The following THUMPD3 variants were observed in gnomAD, a reference collection of about 807,000 sequenced individuals.
THUMPD3 encodes THUMP domain 3 tRNA guanosine methyltransferase, also known as tRNA (guanine(6)-N(2))-methyltransferase THUMP3.
In THUMPD3, 44 loss-of-function variants were observed where a neutral mutation model predicts 54.5. The observed-to-expected ratio is 0.81, with a 90% CI of 0.63 to 1.04. The LOEUF (loss-of-function observed/expected upper bound fraction) is 1.04, where lower values mean the gene tolerates loss of function less well. Ranked by LOEUF, THUMPD3 falls within the 50% of genes least tolerant of loss-of-function variation. The probability of loss-of-function intolerance (pLI) is 0.00; values close to 1 mark genes in which losing one functional copy is unlikely to be tolerated. For missense variants in THUMPD3, 604 were observed against 601.3 expected, an observed-to-expected ratio of 1.00 and a Z score of -0.05; for synonymous variants, 196 against 201.4, an observed-to-expected ratio of 0.97 and a Z score of 0.23.
At chr3:9,367,526 G>A (rs892665189) in intron 3 of THUMPD3, among the ~76,000 whole-genome samples, 7 of 152,166 alleles carry the variant, frequency 4.6e-5, no homozygotes, top group Non-Finnish European at 8.8e-5. Flanking sequence ...ATAGATTGCA[G>A]CAAGGCTTTA....
At chr3:9,374,381 A>G (rs1443856034) in intron 4 of THUMPD3, 135 bp from the exon 5 acceptor site, 3 of 1,007,466 alleles carry the variant, frequency 3.0e-6, no homozygotes, top group South Asian at 1.6e-5. Flanking sequence ...TGGCATCAAT[A>G]TGGTGACCTC....
At chr3:9,372,117 C>G (rs931199117) in intron 4 of THUMPD3, among the ~76,000 whole-genome samples, 1 of 152,224 alleles carries the variant, frequency 6.6e-6, no homozygotes, top group Non-Finnish European at 1.5e-5. Context: ...AGTGATCTGC[C>G]TGTCTTGGCC....
intron 4 of THUMPD3, among the ~76,000 whole-genome samples, chr3:9,372,710 C>T (rs113757859): frequency 3.9e-5 from 6 of 152,292 alleles, no homozygotes; most frequent in African/African-American, 1.4e-4. Flanking sequence ...CCAGGTACCT[C>T]ATTTTAGTAT....
chr3:9,380,643 C>A, intron 7 of THUMPD3, 25 bp downstream of exon 7: 1 of 1,500,360 alleles, frequency 6.7e-7, no homozygotes, highest in African/African-American at 1.5e-5. Flanking sequence ...GATTTCTTAG[C>A]ATCTTTTAGA....
intron 7 of THUMPD3, 129 bp from the exon 8 acceptor site, chr3:9,383,070 G>C: frequency 1.7e-6 from 1 of 582,794 alleles, no homozygotes; most frequent in South Asian, 2.2e-5. Context: ...ATTTTGAATA[G>C]GTTGATATTA....
intron 1 of THUMPD3, chr3:9,364,110 A>C (rs1242910379): frequency 6.6e-6 from 1 of 151,882 alleles, no homozygotes; most frequent in Non-Finnish European, 1.5e-5. Flanking sequence ...GGAGGGAAGA[A>C]GATAGATAGC....
rs2032322443 is a variant in THUMPD3 at position 9,374,659 on chromosome 3, G to C, written c.938+13G>C. 6.8e-6 allele frequency: 11 copies of C among 1,612,520 alleles called. No homozygotes were observed. The highest frequency in any genetic ancestry group is 9.3e-6 in the Non-Finnish European group (11 of 1,179,414). On this transcript the variant is annotated intron_variant, in intron 5 of 9. Coordinates refer to ENST00000452837, the MANE Select transcript of THUMPD3 (RefSeq NM_001114092.2). The stretch of plus-strand genomic sequence containing the variant: ...ATGGGATGCTCAGGTAAGAAAATGA[G>C]TTTGCCATCCAGCTTAAAGTGGCAC...
At chr3:9,374,376 T>A (rs1559305406) in intron 4 of THUMPD3, 140 bp from the exon 5 acceptor site, 1 of 946,222 alleles carries the variant, frequency 1.1e-6, no homozygotes, top group Non-Finnish European at 1.6e-6. Flanking sequence ...AAGTTTGGCA[T>A]CAATATGGTG....
At chr3:9,367,108 G>C (rs745462344) in intron 3 of THUMPD3, 123 bp downstream of exon 3, 1 of 655,880 alleles carries the variant, frequency 1.5e-6, no homozygotes, top group Non-Finnish European at 2.5e-6. Flanking sequence ...ATACTGGGAG[G>C]CTTTTACAGT....
Position 9,385,563 on chromosome 3 carries a change from CAG to C in THUMPD3, c.*877_*878del, listed in dbSNP as rs1448323048. ...TCCATCTGTTATTCACATTAATACACAGAATGAAAATAGAGGTCTAGGAATTA... is the reference window on the plus strand; with the variant it reads ...TCCATCTGTTATTCACATTAATACACAATGAAAATAGAGGTCTAGGAATTA... On this transcript the variant is annotated 3_prime_UTR_variant, in exon 10 of 10. Coordinates refer to ENST00000452837, the MANE Select transcript of THUMPD3 (RefSeq NM_001114092.2). The C allele has an allele frequency of 6.6e-6, 1 of 152,168 alleles. No homozygotes were observed. Among genetic ancestry groups the C allele is most frequent in the Non-Finnish European group, 1.5e-5 (1 of 68,026 alleles). 9.4% of individuals were successfully genotyped at this position (152,168 alleles called of 1,614,324 possible). A position where few individuals can be genotyped will look rare whatever the true frequency, so the allele number is the denominator to read the frequency against.
Position 9,384,203 on chromosome 3 carries a change from C to T in THUMPD3, c.1236-9C>T. 1 of 1,612,722 alleles carries T rather than the reference C, an allele frequency of 6.2e-7. No homozygotes were observed. The highest frequency in any genetic ancestry group is 2.2e-5 in the East Asian group (1 of 44,870). On this transcript the variant is annotated splice_polypyrimidine_tract_variant and intron_variant, in intron 8 of 9. Coordinates refer to ENST00000452837, the MANE Select transcript of THUMPD3 (RefSeq NM_001114092.2). ...GCAAGTGTTTGACTCATGAGACCTT[C>T]TATTATAGGATGGGATCCAAGAAGA...
chr3:9,383,113 G>A (rs767400481), intron 7 of THUMPD3, 86 bp from the exon 8 acceptor site: 50 of 819,302 alleles, frequency 6.1e-5, no homozygotes, highest in Non-Finnish European at 9.2e-5. Context: ...ATGTTTTGCT[G>A]TAGCAGTCTC....
chr3:9,383,325 A>G lies in THUMPD3; in HGVS notation c.1235+16A>G. The G allele has an allele frequency of 6.5e-7, 1 of 1,533,352 alleles. No homozygotes were observed. Among genetic ancestry groups the G allele is most frequent in the Non-Finnish European group, 9.0e-7 (1 of 1,106,886 alleles). The allele number at this position is 1,533,352 out of a possible 1,614,324, so 95.0% of individuals were successfully genotyped here. A position where few individuals can be genotyped will look rare whatever the true frequency, so the allele number is the denominator to read the frequency against. ...TTGGAAAAAGGTGAGAAATACTAGT[A>G]CCTGCTTGTCTTCTAAATATGTCAT... On this transcript the variant is annotated intron_variant, in intron 8 of 9. Transcript: ENST00000452837.
In THUMPD3 at chr3:9,386,429, G is replaced by C. The variant is rs1032192617; in HGVS notation, c.*1741G>C. On this transcript the variant is annotated 3_prime_UTR_variant, in exon 10 of 10. Transcript: ENST00000452837. The stretch of plus-strand genomic sequence containing the variant: ...TAAGGGCAGGGTATTGTATCTGCCA[G>C]ACTGGGTATTTGTTGAACAAGCGAG... The C allele has an allele frequency of 7.5e-6, 1 of 133,272 alleles. No homozygotes were observed. Among genetic ancestry groups the C allele is most frequent in the African/African-American group, 2.9e-5 (1 of 34,406 alleles). 8.3% of individuals were successfully genotyped at this position (133,272 alleles called of 1,614,324 possible).
At chr3:9,371,584 T>G in intron 4 of THUMPD3, 48 bp downstream of exon 4, 1 of 1,480,162 alleles carries the variant, frequency 6.8e-7, no homozygotes, top group Non-Finnish European at 9.2e-7. Context: ...TGTCACAGAT[T>G]TGTAGAATTT....
At chr3:9,368,017 A>G (rs1455415147) in intron 3 of THUMPD3, among the ~76,000 whole-genome samples, 1 of 152,090 alleles carries the variant, frequency 6.6e-6, no homozygotes, top group Non-Finnish European at 1.5e-5. Context: ...GTGAGCAGAG[A>G]TCACACCACT....
At chr3:9,368,353 C>T (rs570583033) in intron 3 of THUMPD3, among the ~76,000 whole-genome samples, 16 of 134,824 alleles carry the variant, frequency 1.2e-4, no homozygotes, top group African/African-American at 3.2e-4. Context: ...CACCTCCACC[C>T]GCGCATATTT....
At chr3:9,369,674 T>G (rs2031875918) in intron 3 of THUMPD3, among the ~76,000 whole-genome samples, 1 of 152,206 alleles carries the variant, frequency 6.6e-6, no homozygotes, top group South Asian at 2.1e-4. Context: ...ATTTAACCAG[T>G]CCCATTTTAG....
intron 2 of THUMPD3, 68 bp from the exon 3 acceptor site, chr3:9,366,840 C>T (rs74279379): frequency 0.014 from 17,992 of 1,276,972 alleles, 580 homozygotes; most frequent in Admixed American, 0.11. Context: ...TTTTTAAATA[C>T]TTAATTGTTG....
Sources: allele counts gnomAD v4.1 joint callset (sites outside exome capture counted in the v4.1 genomes callset), GRCh38; gene constraint gnomAD v4.1.1; transcripts MANE v1.5; gene names NCBI Gene and HGNC (gene_info 2026-07-23, HGNC 2026-07-21).